The following TEAD1 variants were observed in gnomAD, a reference collection of about 807,000 sequenced individuals.
TEAD1 encodes TEA domain transcription factor 1, also known as transcriptional enhancer factor TEF-1.
A neutral mutation model predicts 54.9 loss-of-function variants in TEAD1; 9 were observed. That is an observed-to-expected ratio of 0.16 (90% CI 0.10 to 0.29). The LOEUF (loss-of-function observed/expected upper bound fraction) is 0.29. Among genes scored for constraint, TEAD1 ranks in the 10% least tolerant of loss-of-function variants. The probability of loss-of-function intolerance (pLI) is 1.00; values close to 1 mark genes in which losing one functional copy is unlikely to be tolerated. For missense variants in TEAD1, 387 were observed against 535.9 expected (o/e 0.72, Z 2.74); for synonymous variants, 200 against 187.8 (o/e 1.07, Z -0.53).
At chr11:12,770,837 A>G (rs1482121680) in intron 3 of TEAD1, among the ~76,000 whole-genome samples, 1 of 152,224 alleles carries the variant, frequency 6.6e-6, no homozygotes, top group East Asian at 1.9e-4. Context: ...ATTGACTTGT[A>G]TATGTTTGAG....
At chr11:12,912,716 C>T (rs1340923336) in intron 10 of TEAD1, among the ~76,000 whole-genome samples, 2 of 152,148 alleles carry the variant, frequency 1.3e-5, no homozygotes, top group Non-Finnish European at 2.9e-5. Flanking sequence ...TGCTTTTCCT[C>T]CCATCCTCTT....
intron 2 of TEAD1, among the ~76,000 whole-genome samples, chr11:12,747,182 C>G (rs1034580019): frequency 2.0e-5 from 3 of 152,052 alleles, no homozygotes; most frequent in Non-Finnish European, 4.4e-5. Context: ...TAAAATAAAG[C>G]AAATGGTTAT....
At chr11:12,874,041 T>G (rs1359516187) in intron 5 of TEAD1, among the ~76,000 whole-genome samples, 1 of 152,222 alleles carries the variant, frequency 6.6e-6, no homozygotes, top group Non-Finnish European at 1.5e-5. Flanking sequence ...TTCTGACGTA[T>G]TTGATGGACT....
intron 12 of TEAD1, among the ~76,000 whole-genome samples, chr11:12,934,139 A>G (rs756504757): frequency 8.5e-5 from 13 of 152,240 alleles, no homozygotes; most frequent in Non-Finnish European, 1.2e-4. Context: ...AACCAACCCA[A>G]ATGTCCAACA....
At position 12,851,007 on chromosome 11, in the gene TEAD1, G is replaced by C. The variant is rs1003292641; in HGVS notation, c.203-11243G>C. On this transcript the variant is annotated intron_variant, in intron 3 of 12. Transcript: ENST00000527636. ...ACTTTAAAAGGATTTACAGATTTCA[G>C]GTGATATTGGCAGTGCTGTCTAATT... The C allele has an allele frequency of 3.4e-6, 3 of 887,144 alleles. No homozygotes were observed. The African/African-American group carries it at 5.4e-5, about 16-fold the overall frequency. The allele number at this position is 887,144 out of a possible 1,614,324, so 55.0% of individuals were successfully genotyped here. A position where few individuals can be genotyped will look rare whatever the true frequency, so the allele number is the denominator to read the frequency against.
intron 3 of TEAD1, among the ~76,000 whole-genome samples, chr11:12,838,702 C>T (rs561516275): frequency 1.3e-5 from 2 of 152,300 alleles, no homozygotes; most frequent in African/African-American, 4.8e-5. Flanking sequence ...TTTTTGCTTT[C>T]ATTTTGTCAT....
At chr11:12,802,989 A>G (rs1946092778) in intron 3 of TEAD1, among the ~76,000 whole-genome samples, 1 of 152,194 alleles carries the variant, frequency 6.6e-6, no homozygotes, top group African/African-American at 2.4e-5. Context: ...TTGTCAAGAT[A>G]GAAAAAAACA....
intron 3 of TEAD1, among the ~76,000 whole-genome samples, chr11:12,804,471 GA>G (rs1379920805): frequency 6.6e-6 from 1 of 152,210 alleles, no homozygotes; most frequent in Non-Finnish European, 1.5e-5. Context: ...CTACTGTGTT[GA>G]AAACAGAGAC....
intron 3 of TEAD1, among the ~76,000 whole-genome samples, chr11:12,800,713 C>T (rs113822600): frequency 2.2e-3 from 342 of 152,310 alleles, no homozygotes; most frequent in African/African-American, 7.7e-3. Context: ...ATGGTTTTCT[C>T]CTCTGGGGTG....
chr11:12,755,918 G>A (rs528676896), intron 2 of TEAD1, among the ~76,000 whole-genome samples: 1 of 152,154 alleles, frequency 6.6e-6, no homozygotes, highest in Non-Finnish European at 1.5e-5. Flanking sequence ...CAGGATTTCT[G>A]TTCTCAATGG....
intron 10 of TEAD1, among the ~76,000 whole-genome samples, chr11:12,924,183 C>G (rs1948865183): frequency 6.6e-6 from 1 of 152,190 alleles, no homozygotes; most frequent in African/African-American, 2.4e-5. Flanking sequence ...CACTGTACCC[C>G]CAGCCTTCCC....
intron 5 of TEAD1, among the ~76,000 whole-genome samples, chr11:12,871,157 T>A (rs137954865): frequency 6.8e-4 from 103 of 152,338 alleles, no homozygotes; most frequent in African/African-American, 2.3e-3. Flanking sequence ...GCCTATGGAA[T>A]ATCCATTTAA....
rs67548037 is a variant in TEAD1, at chr11:12,751,285, C to CA, written c.-54-12876dup. On this transcript the variant is annotated intron_variant, in intron 2 of 12. Transcript: ENST00000527636. The stretch of plus-strand genomic sequence containing the variant: ...CCACTGTATGTACTCCAACCTGACT[C>CA]AAAAAAAAAAAAAAAAAAGGAAAAA... Among the ~76,000 whole-genome samples, 505 of 112,446 alleles carry CA rather than the reference C, an allele frequency of 4.5e-3. 4 individuals are homozygous for CA. The highest frequency in any genetic ancestry group is 6.7e-3 in the South Asian group (24 of 3,582). The allele number at this position is 112,446 out of a possible 152,430, so 73.8% of individuals were successfully genotyped here.
intron 2 of TEAD1, among the ~76,000 whole-genome samples, chr11:12,699,632 G>A (rs1315734734): frequency 1.3e-5 from 2 of 152,106 alleles, no homozygotes; most frequent in African/African-American, 4.8e-5. Context: ...TAGTGTATCT[G>A]ATTTACTCAC....
chr11:12,716,493 T>C (rs1944065468), intron 2 of TEAD1, among the ~76,000 whole-genome samples: 1 of 152,230 alleles, frequency 6.6e-6, no homozygotes, highest in Non-Finnish European at 1.5e-5. Context: ...GTTTAGATTT[T>C]TGAGGTCTCA....
chr11:12,925,114 C>A (rs966564094), intron 11 of TEAD1, 62 bp downstream of exon 11: 40 of 1,588,840 alleles, frequency 2.5e-5, no homozygotes, highest in Admixed American at 3.3e-5. Context: ...TTCCTTTAAA[C>A]CTTCCTTGGG....
intron 9 of TEAD1, among the ~76,000 whole-genome samples, chr11:12,892,514 G>C (rs1948217671): frequency 6.6e-6 from 1 of 152,070 alleles, no homozygotes; most frequent in Non-Finnish European, 1.5e-5. Flanking sequence ...CATGATGGTG[G>C]GTGCCTGTAA....
chr11:12,880,934 A>C (rs80238320), intron 6 of TEAD1, 71 bp from the exon 7 acceptor site: 2 of 1,545,076 alleles, frequency 1.3e-6, no homozygotes, highest in Admixed American at 3.3e-5. Context: ...AGGGGTTGTG[A>C]TGCGTAGGCA....
chr11:12,935,181 A>G (rs1225521435), intron 12 of TEAD1, among the ~76,000 whole-genome samples: 2 of 152,190 alleles, frequency 1.3e-5, no homozygotes, highest in East Asian at 3.9e-4. Context: ...CATTCGTAGA[A>G]CAGGGGAATT....
Sources: gnomAD v4.1 joint callset for allele counts (sites outside exome capture counted in the v4.1 genomes callset) on GRCh38, gnomAD v4.1.1 for gene constraint, MANE v1.5 for transcripts, NCBI Gene and HGNC (gene_info 2026-07-23, HGNC 2026-07-21) for gene names.